C4orf51: variants seen among roughly 807,000 people sequenced by gnomAD.
C4orf51 encodes the protein uncharacterized protein C4orf51.
C4orf51 carries 25 observed loss-of-function variants against 25.2 expected under a neutral mutation model. That is an observed-to-expected ratio of 0.99 (90% confidence interval 0.72 to 1.39). The LOEUF is 1.39. C4orf51 is among the 40% of genes most tolerant of loss of function. The probability of loss-of-function intolerance (pLI) is 0.00; values close to 1 mark genes in which losing one functional copy is unlikely to be tolerated. For missense variants in C4orf51, 252 were observed against 239.6 expected (o/e 1.05, Z -0.34); for synonymous variants, 100 against 84.5 (o/e 1.18, Z -1.01).
downstream of C4orf51, among the ~76,000 whole-genome samples, chr4:145,736,278 T>C (rs1579013722): frequency 6.6e-6 from 1 of 151,794 alleles, no homozygotes; most frequent in African/African-American, 2.4e-5. Flanking sequence ...ATGAGGAGTT[T>C]TGACAGGTGA....
intron 2 of C4orf51, among the ~76,000 whole-genome samples, chr4:145,701,425 C>T (rs1201991247): frequency 6.6e-6 from 1 of 152,052 alleles, no homozygotes; most frequent in African/African-American, 2.4e-5. Flanking sequence ...CCCAGGATTC[C>T]TCCTAAGCCG....
downstream of C4orf51, chr4:145,774,758 A>G: frequency 7.2e-7 from 1 of 1,382,952 alleles, no homozygotes; most frequent in South Asian, 1.4e-5. Flanking sequence ...TACACAGTAC[A>G]CTCAAGAAAA....
chr4:145,725,439 T>A (rs1300279562), intron 2 of C4orf51, among the ~76,000 whole-genome samples: 1 of 152,178 alleles, frequency 6.6e-6, no homozygotes, highest in Non-Finnish European at 1.5e-5. Flanking sequence ...GTATAGGTTT[T>A]TTCCCACTAG....
At chr4:145,757,276 TC>T (rs1734018144), downstream of C4orf51, among the ~76,000 whole-genome samples, 2 of 152,294 alleles carry the variant, frequency 1.3e-5, no homozygotes, top group South Asian at 4.1e-4. Flanking sequence ...TCATCTGTTT[TC>T]CCCCCTTTGG....
At chr4:145,689,548 A>C (rs1166151933) in intron 1 of C4orf51, among the ~76,000 whole-genome samples, 3 of 152,188 alleles carry the variant, frequency 2.0e-5, no homozygotes. Flanking sequence ...ATAACCGATA[A>C]ACATACCAAA....
intron 2 of C4orf51, among the ~76,000 whole-genome samples, chr4:145,724,964 T>C (rs1176692562): frequency 6.7e-6 from 1 of 149,260 alleles, no homozygotes; most frequent in Non-Finnish European, 1.5e-5. Flanking sequence ...TTCTCACTCG[T>C]AAGTGGGAGC....
At chr4:145,766,243 C>G (rs1253321124) in intron 1 of C4orf51, among the ~76,000 whole-genome samples, 2 of 152,070 alleles carry the variant, frequency 1.3e-5, no homozygotes, top group Non-Finnish European at 2.9e-5. Context: ...GGGACCCTCT[C>G]CCTCAAAGCC....
At chr4:145,721,871 C>T (rs969448173) in intron 2 of C4orf51, among the ~76,000 whole-genome samples, 4 of 152,098 alleles carry the variant, frequency 2.6e-5, no homozygotes, top group East Asian at 1.9e-4. Flanking sequence ...ATGAGATGGG[C>T]GGGAGTTACG....
At chr4:145,727,885 A>G (rs974372643) in intron 3 of C4orf51, among the ~76,000 whole-genome samples, 1 of 89,272 alleles carries the variant, frequency 1.1e-5, no homozygotes, top group Non-Finnish European at 2.1e-5. Context: ...TCCACCTACA[A>G]AAAAAATGTG....
intron 1 of C4orf51, among the ~76,000 whole-genome samples, chr4:145,692,437 GC>G (rs1457719481): frequency 1.3e-5 from 2 of 152,100 alleles, no homozygotes; most frequent in African/African-American, 4.8e-5. Flanking sequence ...CAGGAAATTG[GC>G]CCAGTGACCA....
chr4:145,729,856 G>T, intron 4 of C4orf51, 36 bp from the exon 5 acceptor site: 1 of 1,561,930 alleles, frequency 6.4e-7, no homozygotes, highest in Non-Finnish European at 8.8e-7. Flanking sequence ...TCTCTTTATC[G>T]CAAACACTCA....
chr4:145,695,013 G>T (rs939288937), intron 1 of C4orf51, among the ~76,000 whole-genome samples: 1 of 152,178 alleles, frequency 6.6e-6, no homozygotes, highest in African/African-American at 2.4e-5. Context: ...GATTACAGTT[G>T]GGAATATGGA....
At chr4:145,764,080 A>G (rs1004542188) in intron 1 of C4orf51, among the ~76,000 whole-genome samples, 17 of 152,212 alleles carry the variant, frequency 1.1e-4, no homozygotes, top group African/African-American at 4.1e-4. Flanking sequence ...AATGACGAAC[A>G]TGTTTTAAAA....
downstream of C4orf51, among the ~76,000 whole-genome samples, chr4:145,737,392 T>C (rs923016152): frequency 6.6e-5 from 10 of 152,250 alleles, no homozygotes; most frequent in African/African-American, 2.4e-4. Flanking sequence ...AATAAAGAAT[T>C]ATTATCTTCT....
Position 145,729,199 on chromosome 4 carries a change from T to A in C4orf51, c.397T>A (p.Phe133Ile). Residue 133 changes from phenylalanine (F) to isoleucine (I), a missense_variant, in exon 4 of 6, where the codon TTT becomes ATT. By Grantham distance (21) the Phe-to-Ile change is conservative. Coordinates refer to ENST00000438731, the MANE Select transcript of C4orf51 (RefSeq NM_001080531.3). The part of the protein sequence containing the change: ...AHQIWDFGDC[F>I]PTPPNYGKYC... ...TCAAATTTGGGATTTTGGTGATTGT[T>A]TTCCGACACCTCCAAATTATGGAAA... 6.2e-7 allele frequency: 1 copy of A among 1,609,850 alleles called. No individual in the cohort carries two copies. The highest frequency in any genetic ancestry group is 8.5e-7 in the Non-Finnish European group (1 of 1,177,054).
At chr4:145,766,742 G>C (rs147708745) in intron 1 of C4orf51, among the ~76,000 whole-genome samples, 271 of 152,324 alleles carry the variant, frequency 1.8e-3, no homozygotes, top group African/African-American at 6.3e-3. Flanking sequence ...AAAGCTTAGA[G>C]AACAGTGCCC....
intron 1 of C4orf51, among the ~76,000 whole-genome samples, chr4:145,742,532 GT>G (rs141147414): frequency 1.5e-3 from 154 of 104,988 alleles, no homozygotes; most frequent in African/African-American, 5.5e-3. Flanking sequence ...TCTTTTTCTT[GT>G]TTTTTTTTTT....
At chr4:145,689,103 T>G (rs919172223) in intron 1 of C4orf51, among the ~76,000 whole-genome samples, 3 of 152,182 alleles carry the variant, frequency 2.0e-5, no homozygotes, top group African/African-American at 7.2e-5. Flanking sequence ...AAGGCGGTTT[T>G]CAATTCCAAA....
intron 1 of C4orf51, among the ~76,000 whole-genome samples, chr4:145,749,947 T>G (rs939041547): frequency 6.6e-6 from 1 of 152,150 alleles, no homozygotes; most frequent in Non-Finnish European, 1.5e-5. Flanking sequence ...ACCCATTATT[T>G]TAAACTGGTA....
Sources: gnomAD v4.1 joint callset for allele counts (sites outside exome capture counted in the v4.1 genomes callset) on GRCh38, gnomAD v4.1.1 for gene constraint, MANE v1.5 for transcripts, NCBI Gene and HGNC (gene_info 2026-07-23, HGNC 2026-07-21) for gene names.